The following MRPS31 variants were observed in gnomAD, a reference collection of about 807,000 sequenced individuals.
MRPS31 encodes the protein mitochondrial ribosomal protein S31, also known as small ribosomal subunit protein mS31.
Under a neutral mutation model 43.1 loss-of-function variants are expected in MRPS31, and 32 were observed. The ratio of observed to expected loss-of-function variants is 0.74; its 90% CI spans 0.56 to 1.00. The LOEUF (loss-of-function observed/expected upper bound fraction) is 1.00. MRPS31 is among the 50% of genes least tolerant of loss of function. The pLI is 0.00. For missense variants in MRPS31, 437 were observed against 466.7 expected, an observed-to-expected ratio of 0.94 and a Z score of 0.59; for synonymous variants, 165 against 161.6, an observed-to-expected ratio of 1.02 and a Z score of -0.16.
chr13:40,760,840 C>A (rs1880675861), intron 2 of MRPS31, among the ~76,000 whole-genome samples: 1 of 151,846 alleles, frequency 6.6e-6, no homozygotes, highest in Non-Finnish European at 1.5e-5. Flanking sequence ...TTTTACTATA[C>A]CTGGCTTTCT....
chr13:40,760,765 G>C (rs1189903260), intron 2 of MRPS31, among the ~76,000 whole-genome samples: 1 of 151,446 alleles, frequency 6.6e-6, no homozygotes, highest in Non-Finnish European at 1.5e-5. Context: ...ACCATGCTTG[G>C]CTATTTGCAA....
rs1163259785 is a variant in MRPS31 at position 40,769,453 on chromosome 13, C to T, written c.152+1532G>A. ...GTTCTCAAAGCCAGAAAATGGCAGC[C>T]GCAGGTTAAGGATACTTACATGAAA... On this transcript the variant is annotated intron_variant, in intron 1 of 6. Coordinates refer to ENST00000323563, the MANE Select transcript of MRPS31 (RefSeq NM_005830.4). 3.7e-5 allele frequency among the ~76,000 whole-genome samples: 5 copies of T among 136,466 alleles called. No homozygotes were observed. The South Asian group carries it at 9.5e-4, about 26-fold the overall frequency. The allele number at this position is 136,466 out of a possible 152,430, so 89.5% of individuals were successfully genotyped here. A position where few individuals can be genotyped will look rare whatever the true frequency, so the allele number is the denominator to read the frequency against.
intron 6 of MRPS31, among the ~76,000 whole-genome samples, chr13:40,746,044 G>C (rs559987806): frequency 6.0e-4 from 91 of 152,292 alleles, no homozygotes; most frequent in Middle Eastern, 3.4e-3. Flanking sequence ...TATGCATTAA[G>C]TGGCAAAACA....
intron 5 of MRPS31, among the ~76,000 whole-genome samples, chr13:40,750,141 G>A (rs1880343942): frequency 6.6e-6 from 1 of 152,112 alleles, no homozygotes; most frequent in South Asian, 2.1e-4. Context: ...ACTAACAGGT[G>A]AATAGGTACA....
intron 2 of MRPS31, 44 bp from the exon 3 acceptor site, chr13:40,759,150 G>C: frequency 1.3e-6 from 2 of 1,494,742 alleles, no homozygotes; most frequent in Non-Finnish European, 1.8e-6. Flanking sequence ...AAAAAAAAGA[G>C]AGATTGGCCA....
intron 6 of MRPS31, among the ~76,000 whole-genome samples, chr13:40,736,490 A>G (rs1879912637): frequency 1.3e-5 from 2 of 148,262 alleles, no homozygotes; most frequent in Non-Finnish European, 3.0e-5. Context: ...CAGATTCACC[A>G]AAGTTGAAAT....
At position 40,734,288 on chromosome 13, in the gene MRPS31, C is replaced by T. The variant is rs114551609; in HGVS notation, c.959-4687G>A. On this transcript the variant is annotated intron_variant, in intron 6 of 6. Transcript: ENST00000323563. Reference sequence around the variant, plus strand: ...TGAGATAGAGTAGAAAATATGTGGTCCAAAAAGAAAGGGTATCCAACATAG... The same window carrying T: ...TGAGATAGAGTAGAAAATATGTGGTTCAAAAAGAAAGGGTATCCAACATAG... 9.6e-3 allele frequency among the ~76,000 whole-genome samples: 1,460 copies of T among 152,006 alleles called. 15 individuals are homozygous for T. The highest frequency in any genetic ancestry group is 0.032 in the African/African-American group (1,306 of 41,448).
intron 6 of MRPS31, among the ~76,000 whole-genome samples, chr13:40,742,568 C>A (rs1451499814): frequency 6.6e-6 from 1 of 152,162 alleles, no homozygotes; most frequent in Admixed American, 6.6e-5. Context: ...ATACTCTTTA[C>A]GCTTCCCCTA....
rs1238405498 is a variant in MRPS31 at position 40,749,413 on chromosome 13, A to C, written c.815-132T>G. On this transcript the variant is annotated intron_variant, in intron 5 of 6. Coordinates refer to ENST00000323563, the MANE Select transcript of MRPS31 (RefSeq NM_005830.4). ...CATAATTAAATAGTATATAATAAAA[A>C]GTTACTGAGAGATAACTGCAAAAAT... 5.3e-6 allele frequency: 3 copies of C among 568,146 alleles called. No homozygotes were observed. In the East Asian group the frequency reaches 1.1e-4, roughly 20 times the overall value. 35.2% of individuals were successfully genotyped at this position (568,146 alleles called of 1,614,324 possible).
chr13:40,732,965 AAAG>A (rs572784951), intron 6 of MRPS31, among the ~76,000 whole-genome samples: 39 of 152,030 alleles, frequency 2.6e-4, no homozygotes, highest in Admixed American at 9.2e-4. Context: ...CTAACACTAA[AAAG>A]AAGAAGAACA....
intron 4 of MRPS31, among the ~76,000 whole-genome samples, chr13:40,754,452 C>A (rs188071979): frequency 6.6e-6 from 1 of 152,158 alleles, no homozygotes; most frequent in African/African-American, 2.4e-5. Context: ...TTAAACTCAA[C>A]ATTTGTCTTT....
chr13:40,734,026 G>A (rs1335025573), intron 6 of MRPS31, among the ~76,000 whole-genome samples: 18 of 151,778 alleles, frequency 1.2e-4, no homozygotes. Context: ...CTATTAGGGA[G>A]GCTGAGGCAG....
At chr13:40,749,481 T>G (rs1217901697) in intron 5 of MRPS31, 200 bp from the exon 6 acceptor site, 2 of 378,092 alleles carry the variant, frequency 5.3e-6, no homozygotes, top group Admixed American at 4.6e-5. Flanking sequence ...GCTTAACTTT[T>G]GTTTTGCAAC....
chr13:40,731,962 A>G (rs1879712111), intron 6 of MRPS31, among the ~76,000 whole-genome samples: 1 of 152,210 alleles, frequency 6.6e-6, no homozygotes, highest in Non-Finnish European at 1.5e-5. Context: ...GTACTGGCAC[A>G]TATAATGCAA....
chr13:40,755,101 T>A (rs953064225), intron 4 of MRPS31, among the ~76,000 whole-genome samples: 3 of 152,268 alleles, frequency 2.0e-5, no homozygotes, highest in Non-Finnish European at 4.4e-5. Context: ...CTTGTTTTTT[T>A]ATAAACTAAA....
intron 6 of MRPS31, among the ~76,000 whole-genome samples, chr13:40,743,707 C>G (rs1364628273): frequency 6.6e-6 from 1 of 152,148 alleles, no homozygotes; most frequent in African/African-American, 2.4e-5. Context: ...ACAACAGATG[C>G]TCCTAAGGTT....
chr13:40,756,451 G>A (rs529835795), intron 4 of MRPS31, among the ~76,000 whole-genome samples: 1 of 152,132 alleles, frequency 6.6e-6, no homozygotes, highest in Non-Finnish European at 1.5e-5. Context: ...CATTGATGGT[G>A]GGTTATTTCT....
chr13:40,753,224 T>C (rs1880440183), intron 5 of MRPS31, among the ~76,000 whole-genome samples: 1 of 152,222 alleles, frequency 6.6e-6, no homozygotes, highest in African/African-American at 2.4e-5. Context: ...ATATATTCCT[T>C]GAATGTTCTT....
rs1880862932 is a variant in MRPS31, at chr13:40,766,882, T to C, written c.304A>G (p.Ile102Val). 2 of 1,614,054 alleles carry C rather than the reference T, an allele frequency of 1.2e-6. No individual in the cohort carries two copies. Among genetic ancestry groups the C allele is most frequent in the Non-Finnish European group, 1.7e-6 (2 of 1,180,024 alleles). Reference protein sequence around the residue: ...KENTKKDLLGIIKGMKVELST... With the variant: ...KENTKKDLLGVIKGMKVELST... The stretch of plus-strand genomic sequence containing the variant: ...AATTCAACTTTCATGCCCTTAATAA[T>C]GCCTAACAAGTCTTTTTTCGTATTT... Residue 102 changes from isoleucine (I) to valine (V), a missense_variant, in exon 2 of 7, where the codon ATT becomes GTT. By Grantham distance (29) the Ile-to-Val change is conservative. Transcript: ENST00000323563.
Sources: allele counts gnomAD v4.1 joint callset (sites outside exome capture counted in the v4.1 genomes callset), GRCh38; gene constraint gnomAD v4.1.1; transcripts MANE v1.5; gene names NCBI Gene and HGNC (gene_info 2026-07-23, HGNC 2026-07-21).